INPP5A: variants seen among roughly 807,000 people sequenced by gnomAD.
The protein encoded by INPP5A is inositol polyphosphate-5-phosphatase A, also known as 43 kDa inositol polyphosphate 5-phophatase.
INPP5A carries 14 observed loss-of-function variants against 65.2 expected under a neutral mutation model. The ratio of observed to expected loss-of-function variants is 0.21; its 90% CI spans 0.14 to 0.34. The LOEUF is 0.34. Among genes scored for constraint, INPP5A ranks in the 10% least tolerant of loss-of-function variants. The pLI is 1.00. For synonymous variants in INPP5A, 207 were observed against 208.3 expected, an observed-to-expected ratio of 0.99 and a Z score of 0.05; for missense variants, 431 against 545.6, an observed-to-expected ratio of 0.79 and a Z score of 2.09.
intron 13 of INPP5A, among the ~76,000 whole-genome samples, chr10:132,779,990 T>C (rs543061073): frequency 2.6e-4 from 39 of 152,272 alleles, no homozygotes; most frequent in Non-Finnish European, 5.0e-4. Flanking sequence ...ATTACCACGC[T>C]GCGTTTGATG....
chr10:132,550,297 C>CG lies in INPP5A; in HGVS notation c.75+12132dup, dbSNP rs1222941662. Among the ~76,000 whole-genome samples, 3 of 152,186 alleles carry CG rather than the reference C, an allele frequency of 2.0e-5. No individual in the cohort carries two copies. The highest frequency in any genetic ancestry group is 2.9e-5 in the Non-Finnish European group (2 of 68,030). ...CTCTCAGGGATGTAATGAGGCTGCT[C>CG]GGGGGGCTGTCTCAGGCCTCTGGCC... On this transcript the variant is annotated intron_variant, in intron 1 of 15. Transcript: ENST00000368594. The surrounding 1 kb of genome is among the most constrained non-coding windows in gnomAD (Gnocchi z 4.2).
rs528865744 is a variant in INPP5A, at chr10:132,728,358, C to T, written c.732+1453C>T. On this transcript the variant is annotated intron_variant, in intron 9 of 15. Coordinates refer to ENST00000368594, the MANE Select transcript of INPP5A (RefSeq NM_005539.5). ...TGGATCGGTCTCTGGCCTGCCATCCCACAGGCTCGGTGAGGGCTCGAGGGC... is the reference window on the plus strand; with the variant it reads ...TGGATCGGTCTCTGGCCTGCCATCCTACAGGCTCGGTGAGGGCTCGAGGGC... 2.0e-5 allele frequency among the ~76,000 whole-genome samples: 3 copies of T among 152,358 alleles called. No homozygotes were observed. The South Asian group carries it at 6.2e-4, about 32-fold the overall frequency.
chr10:132,776,263 C>A (rs942653247), intron 12 of INPP5A, among the ~76,000 whole-genome samples: 1 of 152,182 alleles, frequency 6.6e-6, no homozygotes, highest in Non-Finnish European at 1.5e-5. Context: ...AGTGACTGCC[C>A]AAGGCCGGGT....
chr10:132,731,485 A>G (rs955215719), intron 9 of INPP5A, among the ~76,000 whole-genome samples: 2 of 151,566 alleles, frequency 1.3e-5, no homozygotes, highest in African/African-American at 4.9e-5. Context: ...GAGTGACCGC[A>G]TCCCTCCTGC....
intron 14 of INPP5A, 69 bp downstream of exon 14, chr10:132,780,986 G>A (rs375104298): frequency 0.014 from 14,245 of 1,042,810 alleles, 303 homozygotes; most frequent in South Asian, 0.035. Flanking sequence ...GGGGGGCTGG[G>A]GCCAGTGGGT....
chr10:132,595,155 C>T (rs945271371), intron 1 of INPP5A, among the ~76,000 whole-genome samples: 20 of 152,200 alleles, frequency 1.3e-4, no homozygotes, highest in Admixed American at 1.1e-3. Flanking sequence ...GCTCCTGTGA[C>T]GTGCTGGCAC....
chr10:132,690,340 A>G, intron 4 of INPP5A, 52 bp from the exon 5 acceptor site: 1 of 1,134,788 alleles, frequency 8.8e-7, no homozygotes, highest in African/African-American at 1.5e-5. Flanking sequence ...AATGATCTTT[A>G]GAAATATTCC....
At chr10:132,685,075 A>T (rs2073097448) in intron 4 of INPP5A, among the ~76,000 whole-genome samples, 1 of 151,562 alleles carries the variant, frequency 6.6e-6, no homozygotes, top group South Asian at 2.1e-4. Context: ...AAAAAACTGG[A>T]GGTGAAAACG....
rs2072937048 is a variant in INPP5A at position 132,674,515 on chromosome 10, A to G, written c.307-15877A>G. 6.6e-6 allele frequency among the ~76,000 whole-genome samples: 1 copy of G among 152,188 alleles called. No individual in the cohort carries two copies. Among genetic ancestry groups the G allele is most frequent in the Non-Finnish European group, 1.5e-5 (1 of 68,040 alleles). Reference sequence around the variant, plus strand: ...TCTTCTCTTCCTCTGTCAGCTGATCATAGGGAACTTCCCATGAGGCCATCG... The same window carrying G: ...TCTTCTCTTCCTCTGTCAGCTGATCGTAGGGAACTTCCCATGAGGCCATCG... On this transcript the variant is annotated intron_variant, in intron 4 of 15. Transcript: ENST00000368594. This position sits in a 1 kb window ranked among gnomAD's most constrained non-coding sequence, Gnocchi z 4.4.
chr10:132,581,478 A>G (rs190277993), intron 1 of INPP5A, among the ~76,000 whole-genome samples: 1 of 152,278 alleles, frequency 6.6e-6, no homozygotes, highest in African/African-American at 2.4e-5. Context: ...GAACTTTCCC[A>G]GGCCAATTCT....
chr10:132,594,040 A>C (rs766527573), intron 1 of INPP5A, among the ~76,000 whole-genome samples: 2 of 152,164 alleles, frequency 1.3e-5, no homozygotes, highest in African/African-American at 2.4e-5. Context: ...TGAAGTTTTT[A>C]ACGTGCTGCT....
Position 132,697,436 on chromosome 10 carries a change from C to T in INPP5A, c.371-380C>T, listed in dbSNP as rs538957110. On this transcript the variant is annotated intron_variant, in intron 5 of 15. Transcript: ENST00000368594. This position sits in a 1 kb window ranked among gnomAD's most constrained non-coding sequence, Gnocchi z 5.6. ...GAATATGAGTGATGGAGGCTGGATA[C>T]GGGGAGGAAATCGATGTTATTAAAT... Among the ~76,000 whole-genome samples, 8 of 152,334 alleles carry T rather than the reference C, an allele frequency of 5.3e-5. No individual in the cohort carries two copies. Among genetic ancestry groups the T allele is most frequent in the Non-Finnish European group, 1.0e-4 (7 of 68,030 alleles).
chr10:132,694,646 C>A (rs151123031), intron 5 of INPP5A, among the ~76,000 whole-genome samples: 137 of 152,184 alleles, frequency 9.0e-4, no homozygotes, highest in African/African-American at 3.3e-3. Flanking sequence ...AATCGATAAA[C>A]CTCTAGCCAG....
Position 132,674,827 on chromosome 10 carries a change from C to T in INPP5A, c.307-15565C>T, listed in dbSNP as rs1009745379. Among the ~76,000 whole-genome samples, 7 of 152,194 alleles carry T rather than the reference C, an allele frequency of 4.6e-5. No individual in the cohort carries two copies. Among genetic ancestry groups the T allele is most frequent in the Admixed American group, 1.3e-4 (2 of 15,282 alleles). ...CCCAGTAACAGGCCAAGAGCTGTCTCTCAAAAGGAGAGTAGTTACCTGCAG... is the reference window on the plus strand; with the variant it reads ...CCCAGTAACAGGCCAAGAGCTGTCTTTCAAAAGGAGAGTAGTTACCTGCAG... On this transcript the variant is annotated intron_variant, in intron 4 of 15. Transcript: ENST00000368594. This position sits in a 1 kb window ranked among gnomAD's most constrained non-coding sequence, Gnocchi z 4.4.
At chr10:132,669,285 C>G (rs1181719710) in intron 4 of INPP5A, among the ~76,000 whole-genome samples, 3 of 152,158 alleles carry the variant, frequency 2.0e-5, no homozygotes, top group African/African-American at 7.2e-5. Flanking sequence ...GTGAGTAGCA[C>G]CAGCTTGTGT....
At chr10:132,664,721 C>T (rs979766220) in intron 4 of INPP5A, among the ~76,000 whole-genome samples, 2 of 152,230 alleles carry the variant, frequency 1.3e-5, no homozygotes, top group African/African-American at 4.8e-5. Context: ...ATGAGTGCAC[C>T]TTGCCATTTG....
intron 1 of INPP5A, among the ~76,000 whole-genome samples, chr10:132,592,775 C>G (rs536305125): frequency 2.0e-5 from 3 of 152,234 alleles, no homozygotes. Context: ...CTGAGGCACA[C>G]GCAGGACTTT....
chr10:132,694,356 T>C (rs1017573261), intron 5 of INPP5A, among the ~76,000 whole-genome samples: 1 of 152,174 alleles, frequency 6.6e-6, no homozygotes, highest in African/African-American at 2.4e-5. Context: ...TTAACATTCA[T>C]GGGATATTAG....
At chr10:132,618,671 A>G (rs2072073751) in intron 2 of INPP5A, among the ~76,000 whole-genome samples, 1 of 152,112 alleles carries the variant, frequency 6.6e-6, no homozygotes, top group Non-Finnish European at 1.5e-5. Context: ...CACGGTTCGC[A>G]GGATGTGCAG....
Sources: gnomAD v4.1 joint callset for allele counts (sites outside exome capture counted in the v4.1 genomes callset) on GRCh38, gnomAD v4.1.1 for gene constraint, Gnocchi (gnomAD v3.1) non-coding constraint, MANE v1.5 for transcripts, NCBI Gene and HGNC (gene_info 2026-07-23, HGNC 2026-07-21) for gene names.